Variants in RPRD1B observed in about 807,000 individuals in gnomAD.
RPRD1B encodes the protein regulation of nuclear pre-mRNA domain-containing protein 1B.
In RPRD1B, 11 loss-of-function variants were observed where a neutral mutation model predicts 41.5. The ratio of observed to expected loss-of-function variants is 0.27; its 90% CI spans 0.17 to 0.44. The LOEUF (loss-of-function observed/expected upper bound fraction) is 0.44. RPRD1B is among the 20% of genes least tolerant of loss of function. The pLI is 1.00. For missense variants in RPRD1B, 248 were observed against 389.9 expected (o/e 0.64, Z 3.06); for synonymous variants, 158 against 155.6 (o/e 1.02, Z -0.12).
In RPRD1B at chr20:38,091,830, ACTG is replaced by A; in HGVS notation, c.*1956_*1958del. 4.1e-6 allele frequency: 4 copies of A among 985,878 alleles called. No homozygotes were observed. The highest frequency in any genetic ancestry group is 4.8e-6 in the Non-Finnish European group (4 of 829,928). The allele number at this position is 985,878 out of a possible 1,614,324, so 61.1% of individuals were successfully genotyped here. A position where few individuals can be genotyped will look rare whatever the true frequency, so the allele number is the denominator to read the frequency against. On this transcript the variant is annotated 3_prime_UTR_variant, in exon 7 of 7. Coordinates refer to ENST00000373433, the MANE Select transcript of RPRD1B (RefSeq NM_021215.4). ...TTAGCCCACTGCTCTGTTTTATCCA[ACTG>A]AGTCTCTGACCAGCAATTGGTGCAT...
intron 3 of RPRD1B, among the ~76,000 whole-genome samples, chr20:38,055,460 T>TG (rs2074230376): frequency 2.0e-5 from 3 of 152,156 alleles, no homozygotes; most frequent in Admixed American, 1.3e-4. Context: ...GTTTTTTTTT[T>TG]TTGTTAGCGT....
intron 6 of RPRD1B, among the ~76,000 whole-genome samples, chr20:38,069,773 T>C (rs1383486614): frequency 6.6e-6 from 1 of 152,184 alleles, no homozygotes; most frequent in African/African-American, 2.4e-5. Flanking sequence ...TACCTTGAAA[T>C]AGACCAAGAA....
chr20:38,064,498 A>G (rs2074332922), intron 5 of RPRD1B, among the ~76,000 whole-genome samples: 1 of 152,194 alleles, frequency 6.6e-6, no homozygotes. Flanking sequence ...GTTTCAAAGC[A>G]CCAACCTACT....
intron 3 of RPRD1B, among the ~76,000 whole-genome samples, chr20:38,055,879 G>A (rs959204102): frequency 6.6e-6 from 1 of 152,126 alleles, no homozygotes; most frequent in African/African-American, 2.4e-5. Context: ...TGATTTGGGG[G>A]CTGAAGTTAG....
intron 5 of RPRD1B, among the ~76,000 whole-genome samples, chr20:38,060,572 C>G (rs79251395): frequency 1.3e-5 from 2 of 151,960 alleles, no homozygotes; most frequent in Non-Finnish European, 2.9e-5. Context: ...AGCAGAGACC[C>G]GAAAAATTAG....
intron 5 of RPRD1B, 43 bp downstream of exon 5, chr20:38,059,563 A>G (rs2074276432): frequency 6.2e-7 from 1 of 1,601,800 alleles, no homozygotes; most frequent in Admixed American, 1.7e-5. Context: ...AGAGAGGGAC[A>G]TAACTGTAAT....
Position 38,092,332 on chromosome 20 carries a change from A to G in RPRD1B, c.*2457A>G, listed in dbSNP as rs2122784186. ...ATATTCTGAAATGTCTCATAGATAT[A>G]TATTTTTGAATAAAGATGGTGTTGT... On this transcript the variant is annotated 3_prime_UTR_variant, in exon 7 of 7. Coordinates refer to ENST00000373433, the MANE Select transcript of RPRD1B (RefSeq NM_021215.4). The G allele has an allele frequency of 2.0e-6, 2 of 984,044 alleles. No homozygotes were observed. The highest frequency in any genetic ancestry group is 1.2e-6 in the Non-Finnish European group (1 of 828,350). 61.0% of individuals were successfully genotyped at this position (984,044 alleles called of 1,614,324 possible).
intron 5 of RPRD1B, among the ~76,000 whole-genome samples, chr20:38,064,943 G>GC (rs2074338429): frequency 6.6e-6 from 1 of 150,796 alleles, no homozygotes; most frequent in Non-Finnish European, 1.5e-5. Flanking sequence ...CCGAGATCAT[G>GC]CCACTGCACT....
chr20:38,072,045 G>T (rs6022813), intron 6 of RPRD1B, among the ~76,000 whole-genome samples: 38,327 of 151,962 alleles, frequency 0.25, 6,221 homozygotes, highest in African/African-American at 0.47. Context: ...CTATTTTTGT[G>T]GTTGTTGCTC....
Position 38,053,427 on chromosome 20 carries a change from G to T in RPRD1B, c.416-4105G>T, listed in dbSNP as rs561334108. ...CTCCCTTCAAGCGGTTTCAAACTCC[G>T]ACCTGTCACCCCTTTCCTAGGTACT... On this transcript the variant is annotated intron_variant, in intron 3 of 6. Coordinates refer to ENST00000373433, the MANE Select transcript of RPRD1B (RefSeq NM_021215.4). Among the ~76,000 whole-genome samples, 154 of 152,246 alleles carry T rather than the reference G, an allele frequency of 1.0e-3. 1 individual carries two copies. The highest frequency in any genetic ancestry group is 1.3e-3 in the Non-Finnish European group (89 of 68,016).
intron 6 of RPRD1B, among the ~76,000 whole-genome samples, chr20:38,078,560 C>G (rs1438114924): frequency 6.6e-6 from 1 of 152,136 alleles, no homozygotes; most frequent in Non-Finnish European, 1.5e-5. Flanking sequence ...ATTGCCAGAC[C>G]ATAAAGTTCT....
chr20:38,083,741 T>C (rs1177122015), intron 6 of RPRD1B, among the ~76,000 whole-genome samples: 1 of 152,120 alleles, frequency 6.6e-6, no homozygotes, highest in East Asian at 1.9e-4. Context: ...TTATTACGGG[T>C]TTTGATAGTG....
intron 1 of RPRD1B, among the ~76,000 whole-genome samples, chr20:38,037,767 C>T (rs1394316594): frequency 6.6e-6 from 1 of 151,994 alleles, no homozygotes; most frequent in Non-Finnish European, 1.5e-5. Flanking sequence ...AACCTTGGGT[C>T]TCAAGCCCCT....
At position 38,033,763 on chromosome 20, in the gene RPRD1B, T is replaced by G; in HGVS notation, c.-185T>G. ...GGTGAGAGGTCGGGTGGCCATCTTG[T>G]GGCGGCGGCGCGGGCGGCTGTTACT... On this transcript the variant is annotated 5_prime_UTR_variant, in exon 1 of 7. Transcript: ENST00000373433. 1 of 585,290 alleles carries G rather than the reference T, an allele frequency of 1.7e-6. No homozygotes were observed. 36.3% of individuals were successfully genotyped at this position (585,290 alleles called of 1,614,324 possible). A position where few individuals can be genotyped will look rare whatever the true frequency, so the allele number is the denominator to read the frequency against.
intron 1 of RPRD1B, among the ~76,000 whole-genome samples, chr20:38,038,870 A>G (rs2074034027): frequency 6.6e-6 from 1 of 152,234 alleles, no homozygotes; most frequent in African/African-American, 2.4e-5. Context: ...TGTACATTTC[A>G]AAAGAAACAA....
At chr20:38,070,646 G>A in intron 6 of RPRD1B, 1 of 985,318 alleles carries the variant, frequency 1.0e-6, no homozygotes, top group Non-Finnish European at 1.2e-6. Flanking sequence ...AGTGCATGTG[G>A]AAGAGTGTGT....
chr20:38,059,376 T>C lies in RPRD1B; in HGVS notation c.529-18T>C. The C allele has an allele frequency of 6.2e-7, 1 of 1,606,194 alleles. No individual in the cohort carries two copies. The highest frequency in any genetic ancestry group is 8.5e-7 in the Non-Finnish European group (1 of 1,175,520). On this transcript the variant is annotated intron_variant, in intron 4 of 6. Transcript: ENST00000373433. ...CCATGTCTTAATGGGTAGTGTTGTTTGTGTTTTCATCTTACAGACTGAGGA... is the reference window on the plus strand; with the variant it reads ...CCATGTCTTAATGGGTAGTGTTGTTCGTGTTTTCATCTTACAGACTGAGGA...
At chr20:38,075,753 G>T (rs1376699240) in intron 6 of RPRD1B, among the ~76,000 whole-genome samples, 2 of 152,162 alleles carry the variant, frequency 1.3e-5, no homozygotes, top group East Asian at 3.8e-4. Context: ...AAGTATTCTG[G>T]TTATAATCAG....
Position 38,084,590 on chromosome 20 carries a change from G to A in RPRD1B, c.832-5136G>A, listed in dbSNP as rs1339610657. The stretch of plus-strand genomic sequence containing the variant: ...CCCAGAGCTCATCTGCAGTGTGTCA[G>A]GTCTGGCTTACTTCTCTAACCAAAA... On this transcript the variant is annotated intron_variant, in intron 6 of 6. Transcript: ENST00000373433. Among the ~76,000 whole-genome samples, 6 of 152,286 alleles carry A rather than the reference G, an allele frequency of 3.9e-5. No individual in the cohort carries two copies. The East Asian group carries it at 1.2e-3, about 29-fold the overall frequency.
Sources: allele counts gnomAD v4.1 joint callset (sites outside exome capture counted in the v4.1 genomes callset), GRCh38; gene constraint gnomAD v4.1.1; transcripts MANE v1.5; gene names NCBI Gene and HGNC (gene_info 2026-07-23, HGNC 2026-07-21).